ERBB4: variants seen among roughly 807,000 people sequenced by gnomAD.
ERBB4 encodes the protein receptor tyrosine-protein kinase erbB-4.
Under a neutral mutation model 158.0 loss-of-function variants are expected in ERBB4, and 42 were observed. The ratio of observed to expected loss-of-function variants is 0.27; its 90% confidence interval spans 0.21 to 0.34. The LOEUF is 0.34. Ranked by LOEUF, ERBB4 falls within the 10% of genes least tolerant of loss-of-function variation. ERBB4 has a pLI of 1.00. For synonymous variants in ERBB4, 583 were observed against 558.7 expected, an observed-to-expected ratio of 1.04 and a Z score of -0.61; for missense variants, 1,333 against 1,624.1, an observed-to-expected ratio of 0.82 and a Z score of 3.08.
chr2:212,495,089 C>G (rs561487968), intron 1 of ERBB4, among the ~76,000 whole-genome samples: 1 of 148,126 alleles, frequency 6.8e-6, no homozygotes, highest in Non-Finnish European at 1.5e-5. Flanking sequence ...GCACTTCAGA[C>G]GACCTCAACT....
chr2:211,839,152 A>AAGGAGGAGGAGGAGG (rs71409858), intron 3 of ERBB4, among the ~76,000 whole-genome samples: 5 of 110,850 alleles, frequency 4.5e-5, no homozygotes, highest in African/African-American at 1.1e-4. Flanking sequence ...GGAGAGAGAG[A>AAGGAGGAGGAGGAGG]AGGAGGAGGA....
At chr2:211,548,970 A>C (rs2067011459) in intron 20 of ERBB4, among the ~76,000 whole-genome samples, 1 of 152,104 alleles carries the variant, frequency 6.6e-6, no homozygotes, top group South Asian at 2.1e-4. Flanking sequence ...TTAAAGATTC[A>C]CCAGTTCCAC....
At chr2:211,641,922 C>G (rs921953438) in intron 16 of ERBB4, among the ~76,000 whole-genome samples, 2 of 75,504 alleles carry the variant, frequency 2.6e-5, no homozygotes, top group Non-Finnish European at 5.3e-5. Flanking sequence ...AGGTTAGGAC[C>G]ATCATTTCTA....
intron 2 of ERBB4, among the ~76,000 whole-genome samples, chr2:211,973,593 G>T (rs957653494): frequency 5.3e-5 from 8 of 152,204 alleles, no homozygotes; most frequent in Non-Finnish European, 8.8e-5. Flanking sequence ...AGATGCTGGT[G>T]AGGTTGTGGA....
chr2:212,441,331 C>A (rs1004929736), intron 1 of ERBB4, among the ~76,000 whole-genome samples: 1 of 152,186 alleles, frequency 6.6e-6, no homozygotes, highest in African/African-American at 2.4e-5. Flanking sequence ...TGATAGCCTT[C>A]CTGCTCTGCG....
chr2:212,115,947 A>C, intron 2 of ERBB4, among the ~76,000 whole-genome samples: 1 of 152,302 alleles, frequency 6.6e-6, no homozygotes, highest in Non-Finnish European at 1.5e-5. Context: ...ATTAATTTTT[A>C]ATTTAAATAT....
chr2:212,400,823 T>G (rs1045566643), intron 1 of ERBB4, among the ~76,000 whole-genome samples: 2 of 152,186 alleles, frequency 1.3e-5, no homozygotes, highest in African/African-American at 4.8e-5. Context: ...TAAAAAGATA[T>G]AACTCTTGAA....
chr2:211,687,678 T>G (rs1027200972), intron 12 of ERBB4, among the ~76,000 whole-genome samples: 6 of 152,076 alleles, frequency 3.9e-5, no homozygotes, highest in Non-Finnish European at 8.8e-5. Flanking sequence ...TGTTGGGGCT[T>G]TTTTTTATCT....
At chr2:211,466,385 G>A (rs1574544466) in intron 20 of ERBB4, among the ~76,000 whole-genome samples, 1 of 141,998 alleles carries the variant, frequency 7.0e-6, no homozygotes, top group Non-Finnish European at 1.5e-5. Flanking sequence ...ATGATGCCAT[G>A]AAATATGAAT....
intron 2 of ERBB4, among the ~76,000 whole-genome samples, chr2:212,067,225 G>A (rs543059098): frequency 6.6e-6 from 1 of 152,048 alleles, no homozygotes; most frequent in South Asian, 2.1e-4. Flanking sequence ...CATAAGTTCA[G>A]TAAGAAATTT....
At chr2:212,170,617 GT>G (rs2081486158) in intron 1 of ERBB4, among the ~76,000 whole-genome samples, 1 of 152,186 alleles carries the variant, frequency 6.6e-6, no homozygotes, top group South Asian at 2.1e-4. Flanking sequence ...AGGCCTTGCA[GT>G]TTTGGGACTT....
chr2:211,732,748 C>G lies in ERBB4; in HGVS notation c.623-7554G>C, dbSNP rs186899877. 7.7e-3 allele frequency among the ~76,000 whole-genome samples: 1,170 copies of G among 152,168 alleles called. 20 individuals are homozygous for G. The highest frequency in any genetic ancestry group is 0.048 in the Middle Eastern group (14 of 294). ...CTGAGGCAGGCAAATCACGAGGTCA[C>G]GAGTGACCAGCCTGACCAACATGCT... On this transcript the variant is annotated intron_variant, in intron 5 of 27. Coordinates refer to ENST00000342788, the MANE Select transcript of ERBB4 (RefSeq NM_005235.3).
intron 20 of ERBB4, among the ~76,000 whole-genome samples, chr2:211,513,946 G>A (rs952349801): frequency 2.0e-5 from 3 of 151,982 alleles, no homozygotes; most frequent in Non-Finnish European, 1.5e-5. Flanking sequence ...GATATCCATC[G>A]TTTCAAACAA....
In ERBB4 at chr2:212,489,389, A is replaced by G. The variant is rs147800675; in HGVS notation, c.82+49060T>C. Among the ~76,000 whole-genome samples, 230 of 151,936 alleles carry G rather than the reference A, an allele frequency of 1.5e-3. 2 individuals are homozygous for G. The highest frequency in any genetic ancestry group is 6.8e-3 in the Middle Eastern group (2 of 294). On this transcript the variant is annotated intron_variant, in intron 1 of 27. Transcript: ENST00000342788. ...AATAAGAAGGATACTTACCAAGAGA[A>G]CCCTACTAACCAAGACTCAAGTCCT... is the stretch of plus-strand genomic sequence containing the variant.
intron 1 of ERBB4, among the ~76,000 whole-genome samples, chr2:212,529,544 AGC>A (rs1692634998): frequency 6.6e-6 from 1 of 152,218 alleles, no homozygotes; most frequent in Non-Finnish European, 1.5e-5. Flanking sequence ...TTATTCAAAC[AGC>A]TTACTTTGTG....
chr2:212,414,118 C>A (rs938747317), intron 1 of ERBB4, among the ~76,000 whole-genome samples: 1 of 152,216 alleles, frequency 6.6e-6, no homozygotes, highest in East Asian at 1.9e-4. Flanking sequence ...CAAAAATATT[C>A]AAAAACAACT....
intron 25 of ERBB4, among the ~76,000 whole-genome samples, chr2:211,389,822 G>A (rs2062764558): frequency 6.6e-6 from 1 of 151,942 alleles, no homozygotes; most frequent in African/African-American, 2.4e-5. Flanking sequence ...GTATATAAAT[G>A]AACTTTGTAA....
chr2:212,479,102 T>C (rs1241324499), intron 1 of ERBB4, among the ~76,000 whole-genome samples: 2 of 152,334 alleles, frequency 1.3e-5, no homozygotes, highest in East Asian at 1.9e-4. Context: ...ACCAGAATGA[T>C]TGTTACATTA....
chr2:211,631,794 A>C (rs925793187), intron 16 of ERBB4, among the ~76,000 whole-genome samples: 1 of 152,160 alleles, frequency 6.6e-6, no homozygotes, highest in African/African-American at 2.4e-5. Flanking sequence ...ATGGATATCA[A>C]AACTAAAAAA....
Sources: allele counts gnomAD v4.1 joint callset (sites outside exome capture counted in the v4.1 genomes callset), GRCh38; gene constraint gnomAD v4.1.1; transcripts MANE v1.5; gene names NCBI Gene and HGNC (gene_info 2026-07-23, HGNC 2026-07-21).